The following COLGALT1 variants were observed in gnomAD, a reference collection of about 807,000 sequenced individuals.
COLGALT1 encodes collagen beta(1-O)galactosyltransferase 1.
In COLGALT1, 43 loss-of-function variants were observed where a neutral mutation model predicts 60.8. The ratio of observed to expected loss-of-function variants is 0.71; its 90% confidence interval spans 0.55 to 0.91. The LOEUF is 0.91. Among genes scored for constraint, COLGALT1 ranks in the 40% least tolerant of loss-of-function variants. The pLI, the probability that COLGALT1 is intolerant of heterozygous loss-of-function variation, is 0.00. For missense variants in COLGALT1, 845 were observed against 880.0 expected (o/e 0.96, Z 0.50); for synonymous variants, 369 against 374.2 (o/e 0.99, Z 0.16).
Position 17,555,690 on chromosome 19 carries a change from G to A in COLGALT1, c.-24G>A, listed in dbSNP as rs2144809553. On this transcript the variant is annotated 5_prime_UTR_variant, in exon 1 of 12. Transcript: ENST00000252599. ...GGCCAGAGTCCTCCCGCAGAAAAAC[G>A]ACTTAAAGGAGACGCGTGGCGCGAT... The A allele has an allele frequency of 1.7e-6, 2 of 1,181,038 alleles. No homozygotes were observed. The highest frequency in any genetic ancestry group is 4.3e-5 in the South Asian group (1 of 23,208). The allele number at this position is 1,181,038 out of a possible 1,614,324, so 73.2% of individuals were successfully genotyped here. A position where few individuals can be genotyped will look rare whatever the true frequency, so the allele number is the denominator to read the frequency against.
At chr19:17,559,195 C>T (rs1045895325) in intron 1 of COLGALT1, 116 bp from the exon 2 acceptor site, 3 of 727,088 alleles carry the variant, frequency 4.1e-6, no homozygotes, top group African/African-American at 3.5e-5. Flanking sequence ...GTGTCCTGTC[C>T]AGGGATACAT....
chr19:17,558,365 G>A (rs1165794122), intron 1 of COLGALT1, among the ~76,000 whole-genome samples: 7 of 148,624 alleles, frequency 4.7e-5, no homozygotes, highest in African/African-American at 7.4e-5. Flanking sequence ...GTGAGCCACC[G>A]TGCCTGGCCT....
rs777413266 is a variant in COLGALT1, at chr19:17,568,581, A to G, written c.697A>G (p.Met233Val). The G allele has an allele frequency of 6.2e-7, 1 of 1,614,174 alleles. No homozygotes were observed. Among genetic ancestry groups the G allele is most frequent in the Non-Finnish European group, 8.5e-7 (1 of 1,180,016 alleles). The change falls in exon 5 of 12, where the codon ATG becomes GTG. Residue 233 changes from methionine to valine, a missense_variant. Transcript: ENST00000252599. ...RDRRGCFAVP[M>V]VHSTFLIDLR... Reference sequence around the variant, plus strand: ...CCGCCGGGGCTGCTTTGCAGTTCCCATGGTGCACTCGACCTTCCTGATCGA... The same window carrying G: ...CCGCCGGGGCTGCTTTGCAGTTCCCGTGGTGCACTCGACCTTCCTGATCGA...
At chr19:17,575,925 C>G (rs1459264367) in intron 6 of COLGALT1, among the ~76,000 whole-genome samples, 1 of 152,152 alleles carries the variant, frequency 6.6e-6, no homozygotes, top group African/African-American at 2.4e-5. Flanking sequence ...TCCTGGGGTA[C>G]TGGTGGTTGG....
Position 17,555,930 on chromosome 19 carries a change from G to C in COLGALT1, c.217G>C (p.Ala73Pro). ...AAHALPTTLG[A>P]LERLRHPRER... Reference sequence around the variant, plus strand: ...CCACGCGTTGCCCACCACGCTGGGCGCACTCGAGCGGCTGCGGCACCCGCG... The same window carrying C: ...CCACGCGTTGCCCACCACGCTGGGCCCACTCGAGCGGCTGCGGCACCCGCG... Residue 73 changes from alanine (A) to proline (P), a missense_variant, in exon 1 of 12, where the codon GCA becomes CCA. Ala to Pro is a conservative substitution (Grantham distance 27). Coordinates refer to ENST00000252599, the MANE Select transcript of COLGALT1 (RefSeq NM_024656.4). 7.2e-7 allele frequency: 1 copy of C among 1,394,256 alleles called. No homozygotes were observed. Among genetic ancestry groups the C allele is most frequent in the Non-Finnish European group, 9.3e-7 (1 of 1,073,520 alleles). 86.4% of individuals were successfully genotyped at this position (1,394,256 alleles called of 1,614,324 possible).
chr19:17,574,573 A>G (rs1599790960), intron 6 of COLGALT1, among the ~76,000 whole-genome samples: 1 of 152,022 alleles, frequency 6.6e-6, no homozygotes, highest in Non-Finnish European at 1.5e-5. Context: ...CAGGTGATCC[A>G]CCTGCCTCGG....
chr19:17,577,014 G>C, intron 6 of COLGALT1, 181 bp from the exon 7 acceptor site: 3 of 424,220 alleles, frequency 7.1e-6, no homozygotes, highest in Non-Finnish European at 4.3e-6. Context: ...TTGGGCTGCT[G>C]TGCAGGGTTC....
chr19:17,579,340 A>C, intron 9 of COLGALT1, 142 bp from the exon 10 acceptor site: 2 of 1,132,794 alleles, frequency 1.8e-6, no homozygotes, highest in Non-Finnish European at 1.3e-6. Context: ...TTGGATGTCC[A>C]GATGTCCCTG....
chr19:17,581,200 C>T lies in COLGALT1; in HGVS notation c.1625C>T (p.Ser542Phe). The T allele has an allele frequency of 6.2e-7, 1 of 1,607,876 alleles. No individual in the cohort carries two copies. Among genetic ancestry groups the T allele is most frequent in the Non-Finnish European group, 8.5e-7 (1 of 1,178,374 alleles). Reference sequence around the variant, plus strand: ...AGGTCCGAGTACAAGGCCCACTTCTCCCTCCGCAACCTGCATGCCTTCTCT... The same window carrying T: ...AGGTCCGAGTACAAGGCCCACTTCTTCCTCCGCAACCTGCATGCCTTCTCT... ...HPVSEYKAHF[S>F]LRNLHAFSVE... The change falls in exon 12 of 12, where the codon TCC (serine) becomes TTC (phenylalanine). Residue 542 changes from serine (S) to phenylalanine (F), a missense_variant. Coordinates refer to ENST00000252599, the MANE Select transcript of COLGALT1 (RefSeq NM_024656.4).
Position 17,577,828 on chromosome 19 carries a change from G to A in COLGALT1, c.1134-129G>A, listed in dbSNP as rs1025937583. The A allele has an allele frequency of 4.1e-5, 53 of 1,280,470 alleles. No individual in the cohort carries two copies. In the African/African-American group the frequency reaches 5.2e-4, roughly 13 times the overall value. 79.3% of individuals were successfully genotyped at this position (1,280,470 alleles called of 1,614,324 possible). ...CAGGTGAGTGAGGCCCCATGTGCCC[G>A]GAAGGGGTGCCAGTGCTACAAGAGG... On this transcript the variant is annotated intron_variant, in intron 8 of 11. Coordinates refer to ENST00000252599, the MANE Select transcript of COLGALT1 (RefSeq NM_024656.4).
chr19:17,567,618 A>G, intron 4 of COLGALT1, 78 bp downstream of exon 4: 1 of 1,502,010 alleles, frequency 6.7e-7, no homozygotes, highest in Admixed American at 2.0e-5. Context: ...TTACTGTCAC[A>G]CAACCTCGTG....
chr19:17,561,822 A>T (rs1274876988), intron 3 of COLGALT1, among the ~76,000 whole-genome samples: 1 of 152,056 alleles, frequency 6.6e-6, no homozygotes. Context: ...GTTTTCTATG[A>T]TCAACCCCAA....
At chr19:17,560,202 C>T (rs1360956020) in intron 2 of COLGALT1, 146 bp from the exon 3 acceptor site, 14 of 626,518 alleles carry the variant, frequency 2.2e-5, no homozygotes, top group South Asian at 1.9e-4. Context: ...TCTCTTTCCT[C>T]GTCGTTTACT....
intron 1 of COLGALT1, among the ~76,000 whole-genome samples, chr19:17,558,965 C>T (rs1158848510): frequency 1.3e-5 from 2 of 151,990 alleles, no homozygotes; most frequent in African/African-American, 4.8e-5. Context: ...TCGAGACCAG[C>T]CTGGCCAACA....
chr19:17,564,591 T>C (rs1197575227), intron 3 of COLGALT1, among the ~76,000 whole-genome samples: 1 of 151,770 alleles, frequency 6.6e-6, no homozygotes, highest in Non-Finnish European at 1.5e-5. Context: ...TAAGTTTTTG[T>C]ATTTTTAGTG....
chr19:17,562,759 A>G (rs1304749395), intron 3 of COLGALT1, among the ~76,000 whole-genome samples: 1 of 151,914 alleles, frequency 6.6e-6, no homozygotes, highest in Non-Finnish European at 1.5e-5. Flanking sequence ...GGGGCCGTGG[A>G]GAAAGGCAGG....
chr19:17,570,758 G>T (rs2076307985), intron 5 of COLGALT1, among the ~76,000 whole-genome samples: 1 of 151,778 alleles, frequency 6.6e-6, no homozygotes, highest in Admixed American at 6.6e-5. Context: ...TAGAGATGGG[G>T]TTTTGCCTGT....
chr19:17,568,788 A>G (rs3848645), intron 5 of COLGALT1, 75 bp downstream of exon 5: 1,283,738 of 1,441,812 alleles, frequency 0.89, 574,408 homozygotes, highest in Middle Eastern at 0.96. Context: ...CCAGTTCAGA[A>G]CACACTGAAG....
At chr19:17,559,463 C>T (rs1427137741) in intron 2 of COLGALT1, 42 bp downstream of exon 2, 10 of 1,454,806 alleles carry the variant, frequency 6.9e-6, no homozygotes, top group Non-Finnish European at 8.5e-6. Context: ...TGGGCTTTGC[C>T]TCTGCTCACA....
Sources: allele counts gnomAD v4.1 joint callset (sites outside exome capture counted in the v4.1 genomes callset), GRCh38; gene constraint gnomAD v4.1.1; transcripts MANE v1.5; gene names NCBI Gene and HGNC (gene_info 2026-07-23, HGNC 2026-07-21).